Variants in AFF2 observed in about 807,000 individuals in gnomAD.
AFF2 encodes the protein ALF transcription elongation factor 2.
In AFF2, 14 loss-of-function variants were observed where a neutral mutation model predicts 76.9. The ratio of observed to expected loss-of-function variants is 0.18; its 90% CI spans 0.12 to 0.28. The LOEUF (loss-of-function observed/expected upper bound fraction) is 0.28, where lower values mean the gene tolerates loss of function less well. Among genes scored for constraint, AFF2 ranks in the 10% least tolerant of loss-of-function variants. The pLI, the probability that AFF2 is intolerant of heterozygous loss-of-function variation, is 1.00. For synonymous variants in AFF2, 398 were observed against 366.7 expected (o/e 1.09, Z -0.98); for missense variants, 868 against 1,001.1 (o/e 0.87, Z 1.79).
At chrX:148,815,158 C>T (rs60225617) in intron 4 of AFF2, among the ~76,000 whole-genome samples, 3,747 of 111,089 alleles carry the variant, frequency 0.034, 120 homozygotes, top group African/African-American at 0.11. Context: ...TATAGTGTTC[C>T]GCCCAAGAAA....
intron 7 of AFF2, among the ~76,000 whole-genome samples, chrX:148,865,696 C>T (rs1557276801): frequency 8.9e-6 from 1 of 111,988 alleles, no homozygotes; most frequent in Non-Finnish European, 1.9e-5. Context: ...GAGTGTAGAA[C>T]ATAGGGTAGG....
At chrX:148,685,888 C>A (rs1291054168) in intron 3 of AFF2, among the ~76,000 whole-genome samples, 3 of 109,971 alleles carry the variant, frequency 2.7e-5, no homozygotes, top group Non-Finnish European at 3.8e-5. Flanking sequence ...CTCTCTCTTT[C>A]TCTCTGTCTC....
chrX:148,795,832 AATATATATATATATAT>A (rs1169188980), intron 3 of AFF2, among the ~76,000 whole-genome samples: 221 of 15,525 alleles, frequency 0.014, 2 homozygotes, highest in African/African-American at 0.034. Context: ...AAAAAAAAAA[AATATATATATATATAT>A]ATATATATAT....
At chrX:148,986,298 T>C (rs2072470679) in intron 19 of AFF2, among the ~76,000 whole-genome samples, 1 of 112,217 alleles carries the variant, frequency 8.9e-6, no homozygotes, top group South Asian at 3.7e-4. Context: ...GTTCATAGTG[T>C]GACTGGAGGA....
Position 148,674,155 on chromosome X carries a change from A to C in AFF2, c.1041+11387A>C, listed in dbSNP as rs782320276. Among the ~76,000 whole-genome samples the C allele has an allele frequency of 2.0e-3, 225 of 112,516 alleles. 1 individual carries two copies. Among genetic ancestry groups the C allele is most frequent in the Non-Finnish European group, 3.0e-3 (162 of 53,320 alleles). On this transcript the variant is annotated intron_variant, in intron 3 of 20. Transcript: ENST00000370460. ...TGGGTGTGTGCCAATAAAATTTGAT[A>C]TATGGATACTGAAGCTTGAATATCA...
intron 1 of AFF2, among the ~76,000 whole-genome samples, chrX:148,638,477 C>G (rs2054054885): frequency 9.0e-6 from 1 of 111,639 alleles, no homozygotes; most frequent in Admixed American, 9.5e-5. Flanking sequence ...ACCCCCCAAC[C>G]AGGTCCTTCC....
At chrX:148,596,242 A>G (rs2053570266) in intron 1 of AFF2, among the ~76,000 whole-genome samples, 1 of 112,039 alleles carries the variant, frequency 8.9e-6, no homozygotes, top group Admixed American at 9.5e-5. Flanking sequence ...AAGAAGTCCA[A>G]CAGTAAAGAA....
chrX:148,876,735 G>A (rs1394209132), intron 7 of AFF2, among the ~76,000 whole-genome samples: 3 of 111,139 alleles, frequency 2.7e-5, no homozygotes, highest in African/African-American at 9.8e-5. Flanking sequence ...CTTTTACCAT[G>A]GCACCCTGGA....
chrX:148,771,735 C>G (rs2069589984), intron 3 of AFF2, among the ~76,000 whole-genome samples: 1 of 112,406 alleles, frequency 8.9e-6, no homozygotes, highest in Non-Finnish European at 1.9e-5. Flanking sequence ...ATCAATGTTA[C>G]AAAGTATTAA....
chrX:148,775,696 C>T (rs2069657612), intron 3 of AFF2, among the ~76,000 whole-genome samples: 1 of 110,900 alleles, frequency 9.0e-6, no homozygotes, highest in Non-Finnish European at 1.9e-5. Flanking sequence ...CAATCTGTGC[C>T]TCTATCTTCA....
intron 1 of AFF2, among the ~76,000 whole-genome samples, chrX:148,608,121 A>G (rs1428646757): frequency 1.8e-5 from 2 of 111,539 alleles, no homozygotes; most frequent in Admixed American, 1.9e-4. Flanking sequence ...GACCCTTGAG[A>G]GTAGGGTGTT....
intron 3 of AFF2, among the ~76,000 whole-genome samples, chrX:148,740,284 A>T (rs1430799226): frequency 3.6e-5 from 4 of 111,807 alleles, no homozygotes; most frequent in Non-Finnish European, 7.5e-5. Context: ...AGGAACACTG[A>T]TTATTCTTAG....
At position 148,809,826 on chromosome X, in the gene AFF2, A is replaced by C. The variant is rs781817643; in HGVS notation, c.1042-50A>C. Reference sequence around the variant, plus strand: ...TGTCCTACAGAGTAAACTATTATACAAGAAGAAGAAGTAGATTGTGCCTAA... The same window carrying C: ...TGTCCTACAGAGTAAACTATTATACCAGAAGAAGAAGTAGATTGTGCCTAA... On this transcript the variant is annotated intron_variant, in intron 3 of 20. Coordinates refer to ENST00000370460, the MANE Select transcript of AFF2 (RefSeq NM_002025.4). The C allele has an allele frequency of 1.2e-4, 139 of 1,146,690 alleles. 2 individuals are homozygous for C. The South Asian group carries it at 2.3e-3, about 19-fold the overall frequency. 94.5% of individuals were successfully genotyped at this position (1,146,690 alleles called of 1,213,427 possible). A position where few individuals can be genotyped will look rare whatever the true frequency, so the allele number is the denominator to read the frequency against.
intron 1 of AFF2, among the ~76,000 whole-genome samples, chrX:148,537,973 G>A (rs782188982): frequency 1.8e-5 from 2 of 112,285 alleles, no homozygotes; most frequent in Non-Finnish European, 3.8e-5. Flanking sequence ...AGGACGTGCG[G>A]GGGTGTAGGT....
chrX:148,774,062 G>A (rs2069637258), intron 3 of AFF2, among the ~76,000 whole-genome samples: 1 of 111,440 alleles, frequency 9.0e-6, no homozygotes, highest in Non-Finnish European at 1.9e-5. Flanking sequence ...ATAACTAGCA[G>A]CACATACTCA....
At chrX:148,704,308 A>ATG (rs1188575815) in intron 3 of AFF2, among the ~76,000 whole-genome samples, 1 of 60,287 alleles carries the variant, frequency 1.7e-5, no homozygotes, top group African/African-American at 7.1e-5. Context: ...ATTTATATAT[A>ATG]TGTGTGTATA....
At chrX:148,633,500 T>C (rs918683889) in intron 1 of AFF2, among the ~76,000 whole-genome samples, 1 of 112,497 alleles carries the variant, frequency 8.9e-6, no homozygotes, top group Admixed American at 9.4e-5. Context: ...CGTACCCTTA[T>C]ATTCAGTCAT....
chrX:148,916,499 C>A (rs982005936), intron 9 of AFF2, among the ~76,000 whole-genome samples: 1 of 110,493 alleles, frequency 9.1e-6, no homozygotes, highest in Non-Finnish European at 1.9e-5. Flanking sequence ...CTTGAGCCAC[C>A]GTGCCCGGCC....
intron 7 of AFF2, among the ~76,000 whole-genome samples, chrX:148,854,845 T>C (rs2070769477): frequency 8.9e-6 from 1 of 111,766 alleles, no homozygotes; most frequent in African/African-American, 3.3e-5. Flanking sequence ...GCTGTATCTG[T>C]GTTTCCATAA....
Sources: gnomAD v4.1 joint callset for allele counts (sites outside exome capture counted in the v4.1 genomes callset) on GRCh38, gnomAD v4.1.1 for gene constraint, MANE v1.5 for transcripts, NCBI Gene and HGNC (gene_info 2026-07-23, HGNC 2026-07-21) for gene names.